The following TP63 variants were observed in gnomAD, a reference collection of about 807,000 sequenced individuals.
TP63 encodes the protein tumor protein 63.
In TP63, 17 loss-of-function variants were observed where a neutral mutation model predicts 82.8. The observed-to-expected ratio is 0.21, with a 90% confidence interval of 0.14 to 0.31. The LOEUF is 0.31. Among genes scored for constraint, TP63 ranks in the 10% least tolerant of loss-of-function variants. TP63 has a pLI of 1.00. For missense variants in TP63, 648 were observed against 895.3 expected (o/e 0.72, Z 3.52); for synonymous variants, 330 against 321.7 (o/e 1.03, Z -0.28).
Position 189,764,140 on chromosome 3 carries a change from T to A in TP63, c.324+25366T>A, listed in dbSNP as rs142468664. ...TGGGTGTCTTGGGATTATGATTAAG[T>A]CCCTCTGGCACACTGTTCTTTGCAG... On this transcript the variant is annotated intron_variant, in intron 3 of 13. Coordinates refer to ENST00000264731, the MANE Select transcript of TP63 (RefSeq NM_003722.5). Among the ~76,000 whole-genome samples the A allele has an allele frequency of 5.9e-5, 9 of 152,242 alleles. No individual in the cohort carries two copies. The East Asian group carries it at 1.7e-3, about 29-fold the overall frequency.
At chr3:189,872,407 A>ACC (rs1337513036) in intron 9 of TP63, among the ~76,000 whole-genome samples, 1 of 143,080 alleles carries the variant, frequency 7.0e-6, no homozygotes, top group African/African-American at 3.0e-5. Flanking sequence ...TCTAACACAC[A>ACC]CACACACACA....
At chr3:189,753,594 A>T (rs1721980420) in intron 3 of TP63, among the ~76,000 whole-genome samples, 1 of 151,946 alleles carries the variant, frequency 6.6e-6, no homozygotes, top group South Asian at 2.1e-4. Flanking sequence ...GACAATACAG[A>T]GTTGGCTCAT....
At chr3:189,877,400 A>T (rs1275671043) in intron 10 of TP63, among the ~76,000 whole-genome samples, 2 of 152,304 alleles carry the variant, frequency 1.3e-5, no homozygotes, top group African/African-American at 4.8e-5. Context: ...ACTTCAGATC[A>T]GTACTATTTC....
the TP63 span, among the ~76,000 whole-genome samples, chr3:189,610,103 G>T: frequency 3.3e-5 from 5 of 152,112 alleles, no homozygotes; most frequent in African/African-American, 1.2e-4. Flanking sequence ...AATTGTGAAT[G>T]ATTTGCATTT....
chr3:189,686,737 T>G (rs1716476948), intron 1 of TP63, among the ~76,000 whole-genome samples: 4 of 149,348 alleles, frequency 2.7e-5, no homozygotes, highest in East Asian at 2.0e-4. Flanking sequence ...CAGGGTTTTT[T>G]TTTTTTTTTT....
At chr3:189,622,502 T>C in the TP63 span, among the ~76,000 whole-genome samples, 3 of 152,212 alleles carry the variant, frequency 2.0e-5, no homozygotes, top group Non-Finnish European at 4.4e-5. Context: ...TCCTAGGGTT[T>C]TTAGTAGTTA....
At chr3:189,840,189 C>T (rs760428621) in intron 4 of TP63, among the ~76,000 whole-genome samples, 17 of 151,824 alleles carry the variant, frequency 1.1e-4, no homozygotes, top group Non-Finnish European at 2.4e-4. Context: ...TGTATACGTA[C>T]GGGTGGTAAG....
chr3:189,725,321 G>A (rs769192699), intron 1 of TP63, among the ~76,000 whole-genome samples: 1 of 152,076 alleles, frequency 6.6e-6, no homozygotes, highest in Non-Finnish European at 1.5e-5. Context: ...TTCAAATAGG[G>A]TTAAAGCATA....
chr3:189,745,305 T>C (rs1320358151), intron 3 of TP63, among the ~76,000 whole-genome samples: 1 of 152,076 alleles, frequency 6.6e-6, no homozygotes, highest in African/African-American at 2.4e-5. Flanking sequence ...TTCAAAATAT[T>C]GATACTGAGA....
chr3:189,793,282 G>T (rs550594545), intron 3 of TP63, among the ~76,000 whole-genome samples: 8 of 152,166 alleles, frequency 5.3e-5, no homozygotes, highest in Admixed American at 3.3e-4. Flanking sequence ...GGAAAACCGT[G>T]TTTGGTTTGG....
chr3:189,701,376 G>T (rs1418797452), intron 1 of TP63, among the ~76,000 whole-genome samples: 1 of 151,932 alleles, frequency 6.6e-6, no homozygotes, highest in Admixed American at 6.6e-5. Flanking sequence ...CCAGAGAAGG[G>T]ATTACAGTAG....
intron 1 of TP63, among the ~76,000 whole-genome samples, chr3:189,683,237 T>C (rs1224035249): frequency 6.6e-6 from 1 of 152,206 alleles, no homozygotes; most frequent in African/African-American, 2.4e-5. Flanking sequence ...TAGTAAGTGC[T>C]TTATATGTAT....
At chr3:189,660,339 C>T (rs549627590) in intron 1 of TP63, among the ~76,000 whole-genome samples, 5 of 152,024 alleles carry the variant, frequency 3.3e-5, no homozygotes, top group African/African-American at 7.2e-5. Context: ...TTGATTTTGT[C>T]AAAGATCATA....
Position 189,789,816 on chromosome 3 carries a change from A to C in TP63, c.325-18456A>C, listed in dbSNP as rs113993963. 6.3e-7 allele frequency: 1 copy of C among 1,599,324 alleles called. No individual in the cohort carries two copies. On this transcript the variant is annotated intron_variant, in intron 3 of 13. Transcript: ENST00000264731. ...TACAGCTAACATGTTGTACCTGGAA[A>C]ACAATGCCCAGACTCAATTTAGTGA... is the stretch of plus-strand genomic sequence containing the variant.
intron 3 of TP63, among the ~76,000 whole-genome samples, chr3:189,750,776 A>G (rs892199934): frequency 6.6e-5 from 10 of 151,970 alleles, no homozygotes. Flanking sequence ...TCCTTGGTGG[A>G]ATTTCTGTAT....
At chr3:189,821,219 G>C (rs1376666312) in intron 4 of TP63, among the ~76,000 whole-genome samples, 1 of 152,158 alleles carries the variant, frequency 6.6e-6, no homozygotes, top group Non-Finnish European at 1.5e-5. Context: ...TTTTCATATA[G>C]AAGCATTTTT....
At chr3:189,686,615 G>T (rs1716457823) in intron 1 of TP63, among the ~76,000 whole-genome samples, 1 of 146,246 alleles carries the variant, frequency 6.8e-6, no homozygotes, top group Admixed American at 6.9e-5. Flanking sequence ...AATAAATAAT[G>T]CCCAAGAGCT....
chr3:189,784,885 C>A (rs918031322), intron 3 of TP63, among the ~76,000 whole-genome samples: 2 of 152,012 alleles, frequency 1.3e-5, no homozygotes, highest in African/African-American at 2.4e-5. Flanking sequence ...AAGGTAAACA[C>A]TTAATTCATG....
At chr3:189,834,213 C>T (rs951110497) in intron 4 of TP63, among the ~76,000 whole-genome samples, 2 of 152,100 alleles carry the variant, frequency 1.3e-5, no homozygotes, top group African/African-American at 4.8e-5. Flanking sequence ...TTTACTCGTT[C>T]CAAAGCCTAA....
Sources: gnomAD v4.1 joint callset for allele counts (sites outside exome capture counted in the v4.1 genomes callset) on GRCh38, gnomAD v4.1.1 for gene constraint, MANE v1.5 for transcripts, NCBI Gene and HGNC (gene_info 2026-07-23, HGNC 2026-07-21) for gene names.